GABRG3: variants seen among roughly 807,000 people sequenced by gnomAD.
GABRG3 encodes the protein gamma-aminobutyric acid type A receptor subunit gamma3.
GABRG3 carries 25 observed loss-of-function variants against 48.8 expected under a neutral mutation model. The ratio of observed to expected loss-of-function variants is 0.51; its 90% CI spans 0.37 to 0.72. The LOEUF is 0.72. GABRG3 is among the 30% of genes least tolerant of loss of function. The pLI, the probability that GABRG3 is intolerant of heterozygous loss-of-function variation, is 0.00. For synonymous variants in GABRG3, 227 were observed against 217.6 expected (o/e 1.04, Z -0.38); for missense variants, 394 against 577.9 (o/e 0.68, Z 3.26).
intron 5 of GABRG3, among the ~76,000 whole-genome samples, chr15:27,405,045 A>G (rs1566826436): frequency 6.6e-6 from 1 of 152,230 alleles, no homozygotes; most frequent in Non-Finnish European, 1.5e-5. Flanking sequence ...ACCAAATGGA[A>G]TAGAGATCCC....
intron 6 of GABRG3, among the ~76,000 whole-genome samples, chr15:27,489,125 A>G (rs752566401): frequency 9.9e-5 from 15 of 151,048 alleles, no homozygotes; most frequent in Non-Finnish European, 2.2e-4. Context: ...GAGAACATGC[A>G]GTGTTTGGTT....
At chr15:27,054,221 A>G (rs541343248) in intron 3 of GABRG3, among the ~76,000 whole-genome samples, 59 of 152,138 alleles carry the variant, frequency 3.9e-4, no homozygotes, top group Non-Finnish European at 7.2e-4. Context: ...CCTGGGCGAA[A>G]GAGCCAAACT....
intron 3 of GABRG3, among the ~76,000 whole-genome samples, chr15:27,145,603 C>CTCTATCTATCTATCTATCTATCA (rs71132803): frequency 0.12 from 12,609 of 102,288 alleles, 894 homozygotes; most frequent in Non-Finnish European, 0.15. Context: ...ATATATCTAT[C>CTCTATCTATCTATCTATCTATCA]TCTATCTATC....
At chr15:27,095,461 C>T (rs1897254324) in intron 3 of GABRG3, among the ~76,000 whole-genome samples, 1 of 152,236 alleles carries the variant, frequency 6.6e-6, no homozygotes, top group Middle Eastern at 3.4e-3. Flanking sequence ...TTGTGTAGGT[C>T]TCGGTCTCCA....
intron 3 of GABRG3, among the ~76,000 whole-genome samples, chr15:27,048,167 G>A (rs1223807454): frequency 6.6e-6 from 1 of 152,128 alleles, no homozygotes; most frequent in African/African-American, 2.4e-5. Flanking sequence ...CCTGCCAGAG[G>A]ACTGCACCCC....
intron 6 of GABRG3, among the ~76,000 whole-genome samples, chr15:27,519,095 T>C (rs1407356145): frequency 6.6e-6 from 1 of 152,076 alleles, no homozygotes; most frequent in Non-Finnish European, 1.5e-5. Context: ...GGGAAGGTGA[T>C]AGTTCAGTTC....
chr15:27,206,142 G>A (rs1888844459), intron 3 of GABRG3, among the ~76,000 whole-genome samples: 1 of 152,062 alleles, frequency 6.6e-6, no homozygotes, highest in African/African-American at 2.4e-5. Flanking sequence ...TAGGTGTGAT[G>A]TTACATTGTT....
intron 5 of GABRG3, among the ~76,000 whole-genome samples, chr15:27,390,401 A>G (rs1012075681): frequency 2.0e-5 from 3 of 152,240 alleles, no homozygotes; most frequent in Non-Finnish European, 4.4e-5. Context: ...GAAGCACTAG[A>G]CTTCAAACTG....
At chr15:27,388,430 C>T (rs552428696) in intron 5 of GABRG3, among the ~76,000 whole-genome samples, 11 of 145,114 alleles carry the variant, frequency 7.6e-5, no homozygotes, top group Admixed American at 1.4e-4. Flanking sequence ...AAGATGCAAA[C>T]GCAGAATTGT....
intron 3 of GABRG3, among the ~76,000 whole-genome samples, chr15:27,244,426 A>G (rs1177405595): frequency 6.6e-6 from 1 of 152,228 alleles, no homozygotes. Context: ...GGTTCAGGAC[A>G]TCTTCAGAAC....
intron 2 of GABRG3, among the ~76,000 whole-genome samples, chr15:26,978,428 T>C (rs1894991799): frequency 6.6e-6 from 1 of 152,174 alleles, no homozygotes; most frequent in Non-Finnish European, 1.5e-5. Flanking sequence ...ATTTTCTCCT[T>C]TGTGTTCTTC....
At chr15:27,382,912 C>T (rs921022209) in intron 5 of GABRG3, among the ~76,000 whole-genome samples, 2 of 151,994 alleles carry the variant, frequency 1.3e-5, no homozygotes, top group African/African-American at 4.8e-5. Flanking sequence ...CAGACAGCAT[C>T]GGGAAAATGT....
intron 1 of GABRG3, among the ~76,000 whole-genome samples, chr15:26,971,870 G>A (rs1894852660): frequency 6.6e-6 from 1 of 152,186 alleles, no homozygotes; most frequent in African/African-American, 2.4e-5. Flanking sequence ...TTGAGAACCA[G>A]GTTCAGGGGG....
At chr15:27,200,318 G>A (rs1205527766) in intron 3 of GABRG3, among the ~76,000 whole-genome samples, 1 of 152,128 alleles carries the variant, frequency 6.6e-6, no homozygotes, top group East Asian at 1.9e-4. Flanking sequence ...TTACAGAGGT[G>A]GAATTCCATG....
intron 5 of GABRG3, among the ~76,000 whole-genome samples, chr15:27,380,751 G>A (rs1326756621): frequency 7.5e-6 from 1 of 134,204 alleles, no homozygotes; most frequent in Non-Finnish European, 1.5e-5. Flanking sequence ...GGGGGGAGAA[G>A]TGTTCTGTGT....
chr15:27,519,323 G>A (rs921006768), intron 6 of GABRG3, among the ~76,000 whole-genome samples: 34 of 152,134 alleles, frequency 2.2e-4, no homozygotes, highest in African/African-American at 8.2e-4. Context: ...AGTCACATCT[G>A]CATTGCTCCC....
chr15:27,188,630 C>G (rs1888183540), intron 3 of GABRG3, among the ~76,000 whole-genome samples: 2 of 151,420 alleles, frequency 1.3e-5, no homozygotes, highest in African/African-American at 2.4e-5. Flanking sequence ...GATATTAGCC[C>G]TTTGTCAGAT....
At chr15:27,522,245 A>G (rs1891175858) in intron 7 of GABRG3, among the ~76,000 whole-genome samples, 4 of 151,970 alleles carry the variant, frequency 2.6e-5, no homozygotes, top group African/African-American at 9.7e-5. Flanking sequence ...CAGAGAAAAT[A>G]TACTTCAAAA....
intron 3 of GABRG3, among the ~76,000 whole-genome samples, chr15:27,090,696 A>G (rs1897169844): frequency 6.6e-6 from 1 of 152,232 alleles, no homozygotes; most frequent in Admixed American, 6.5e-5. Context: ...TTTTCAGTAT[A>G]CAAGACTTGT....
Sources: gnomAD v4.1 joint callset for allele counts (sites outside exome capture counted in the v4.1 genomes callset) on GRCh38, gnomAD v4.1.1 for gene constraint, MANE v1.5 for transcripts, NCBI Gene and HGNC (gene_info 2026-07-23, HGNC 2026-07-21) for gene names.